MAP4K3: variants seen among roughly 807,000 people sequenced by gnomAD.
The protein encoded by MAP4K3 is mitogen-activated protein kinase kinase kinase kinase 3, also known as MAPK/ERK kinase kinase kinase 3.
Under a neutral mutation model 143.5 loss-of-function variants are expected in MAP4K3, and 94 were observed. That is an observed-to-expected ratio of 0.65 (90% CI 0.55 to 0.78). MAP4K3 has a LOEUF of 0.78. Ranked by LOEUF, MAP4K3 falls within the 30% of genes least tolerant of loss-of-function variation. The pLI, the probability that MAP4K3 is intolerant of heterozygous loss-of-function variation, is 0.00. For synonymous variants in MAP4K3, 416 were observed against 347.2 expected (o/e 1.20, Z -2.20); for missense variants, 1,077 against 1,068.1 (o/e 1.01, Z -0.12).
At chr2:39,377,628 G>GA in intron 2 of MAP4K3, among the ~76,000 whole-genome samples, 1 of 152,152 alleles carries the variant, frequency 6.6e-6, no homozygotes, top group Non-Finnish European at 1.5e-5. Context: ...GATCTCCTGA[G>GA]AAAAACTGAG....
chr2:39,265,092 TA>T, intron 28 of MAP4K3, 110 bp downstream of exon 28: 1 of 815,756 alleles, frequency 1.2e-6, no homozygotes, highest in Non-Finnish European at 2.0e-6. Flanking sequence ...CCACATTATC[TA>T]AAATCACTAA....
Position 39,326,135 on chromosome 2 carries a change from G to A in MAP4K3, c.662+11C>T. 6.2e-7 allele frequency: 1 copy of A among 1,609,942 alleles called. No homozygotes were observed. The highest frequency in any genetic ancestry group is 2.2e-5 in the East Asian group (1 of 44,836). On this transcript the variant is annotated intron_variant, in intron 9 of 33. Transcript: ENST00000263881. ...CTTAAGCGTAAGATTCTTCAATGAT[G>A]ATGCACTGACCTCATTGGGTGTAAG...
At chr2:39,411,169 G>C (rs1413626122) in intron 1 of MAP4K3, among the ~76,000 whole-genome samples, 1 of 152,166 alleles carries the variant, frequency 6.6e-6, no homozygotes, top group Non-Finnish European at 1.5e-5. Flanking sequence ...ATTTACATCA[G>C]AGAAATGTTT....
intron 26 of MAP4K3, among the ~76,000 whole-genome samples, chr2:39,269,198 A>G (rs1680908448): frequency 6.6e-6 from 1 of 152,088 alleles, no homozygotes; most frequent in Non-Finnish European, 1.5e-5. Context: ...CAAGCTCAGA[A>G]CAATTTTCCT....
rs3815594 is a variant in MAP4K3, at chr2:39,326,130, A to T, written c.662+16T>A. The T allele has an allele frequency of 1.2e-6, 2 of 1,605,532 alleles. No individual in the cohort carries two copies. The highest frequency in any genetic ancestry group is 1.7e-6 in the Non-Finnish European group (2 of 1,176,940). ...AAAACCTTAAGCGTAAGATTCTTCAATGATGATGCACTGACCTCATTGGGT... is the reference window on the plus strand; with the variant it reads ...AAAACCTTAAGCGTAAGATTCTTCATTGATGATGCACTGACCTCATTGGGT... On this transcript the variant is annotated intron_variant, in intron 9 of 33. Transcript: ENST00000263881.
chr2:39,413,811 G>A (rs1157849042), intron 1 of MAP4K3, among the ~76,000 whole-genome samples: 1 of 151,700 alleles, frequency 6.6e-6, no homozygotes, highest in East Asian at 1.9e-4. Context: ...AACCTCTTAA[G>A]TGAAGCTCTG....
intron 24 of MAP4K3, among the ~76,000 whole-genome samples, 163 bp from the exon 25 acceptor site, chr2:39,272,705 T>C (rs1202392772): frequency 6.6e-6 from 1 of 152,184 alleles, no homozygotes; most frequent in African/African-American, 2.4e-5. Context: ...CAAGATGATA[T>C]ATATACATAC....
intron 12 of MAP4K3, 167 bp from the exon 13 acceptor site, chr2:39,315,555 C>A: frequency 1.9e-6 from 1 of 526,260 alleles, no homozygotes; most frequent in African/African-American, 2.0e-5. Context: ...AATAGCAGCT[C>A]AAACTATTAG....
chr2:39,383,209 TTTAA>T (rs901267143), intron 1 of MAP4K3, among the ~76,000 whole-genome samples: 21 of 152,234 alleles, frequency 1.4e-4, no homozygotes, highest in African/African-American at 4.6e-4. Context: ...AGGAAAAAGG[TTTAA>T]TTGACTCACA....
intron 24 of MAP4K3, among the ~76,000 whole-genome samples, chr2:39,276,343 C>T (rs1436728273): frequency 6.6e-6 from 1 of 152,184 alleles, no homozygotes; most frequent in Non-Finnish European, 1.5e-5. Flanking sequence ...AGTGGAAAAC[C>T]TAAAGTTAAC....
chr2:39,263,531 G>A (rs1680652796), intron 28 of MAP4K3, among the ~76,000 whole-genome samples: 4 of 151,170 alleles, frequency 2.6e-5, no homozygotes, highest in South Asian at 2.1e-4. Context: ...CGCCCGCCTC[G>A]GCCTCCCAAA....
intron 2 of MAP4K3, among the ~76,000 whole-genome samples, chr2:39,360,819 G>A (rs566541788): frequency 1.3e-5 from 2 of 152,146 alleles, no homozygotes. Context: ...ACAGCAGCAG[G>A]GGGTAACTGC....
At chr2:39,318,383 CTAAAA>C (rs1489333511) in intron 12 of MAP4K3, among the ~76,000 whole-genome samples, 1 of 151,884 alleles carries the variant, frequency 6.6e-6, no homozygotes, top group East Asian at 1.9e-4. Flanking sequence ...TACCCTGAAA[CTAAAA>C]TAAAAGTTAA....
chr2:39,285,230 A>G (rs912621104), intron 21 of MAP4K3, among the ~76,000 whole-genome samples: 27 of 152,310 alleles, frequency 1.8e-4, no homozygotes, highest in Non-Finnish European at 7.4e-5. Context: ...GCTTCAATAT[A>G]TCACTGATAC....
intron 12 of MAP4K3, among the ~76,000 whole-genome samples, chr2:39,322,528 A>T (rs1683340948): frequency 6.6e-6 from 1 of 151,916 alleles, no homozygotes; most frequent in South Asian, 2.1e-4. Flanking sequence ...CAACATTAAA[A>T]AGTCAAACTT....
At chr2:39,285,707 A>T (rs924069245) in intron 21 of MAP4K3, among the ~76,000 whole-genome samples, 2 of 152,220 alleles carry the variant, frequency 1.3e-5, no homozygotes, top group Middle Eastern at 3.2e-3. Flanking sequence ...TGAATGTACT[A>T]GACAAACATA....
chr2:39,400,945 T>A (rs1256422731), intron 1 of MAP4K3, among the ~76,000 whole-genome samples: 1 of 152,218 alleles, frequency 6.6e-6, no homozygotes, highest in African/African-American at 2.4e-5. Context: ...AGTGTGACCC[T>A]GTCTCAGAAA....
intron 33 of MAP4K3, 110 bp downstream of exon 33, chr2:39,251,720 A>T: frequency 1.1e-6 from 1 of 874,074 alleles, no homozygotes; most frequent in Non-Finnish European, 1.8e-6. Context: ...GAAAAATTCA[A>T]TGTTGAACAT....
intron 19 of MAP4K3, among the ~76,000 whole-genome samples, chr2:39,289,107 T>C (rs1034002675): frequency 6.6e-6 from 1 of 152,162 alleles, no homozygotes; most frequent in Admixed American, 6.5e-5. Flanking sequence ...AATACAAACA[T>C]AGCAATATGG....
Sources: allele counts gnomAD v4.1 joint callset (sites outside exome capture counted in the v4.1 genomes callset), GRCh38; gene constraint gnomAD v4.1.1; transcripts MANE v1.5; gene names NCBI Gene and HGNC (gene_info 2026-07-23, HGNC 2026-07-21).